The following DST variants were observed in gnomAD, a reference collection of about 807,000 sequenced individuals.
DST encodes dystonin.
A neutral mutation model predicts 875.2 loss-of-function variants in DST; 253 were observed. That is an observed-to-expected ratio of 0.29 (90% CI 0.26 to 0.32). The LOEUF is 0.32. DST is among the 10% of genes least tolerant of loss of function. DST has a pLI of 1.00. For missense variants in DST, 8,287 were observed against 9,111.6 expected, an observed-to-expected ratio of 0.91 and a Z score of 3.68; for synonymous variants, 3,124 against 3,197.1, an observed-to-expected ratio of 0.98 and a Z score of 0.77.
intron 4 of DST, among the ~76,000 whole-genome samples, chr6:56,828,973 A>C (rs1365782956): frequency 6.6e-6 from 1 of 152,222 alleles, no homozygotes; most frequent in African/African-American, 2.4e-5. Context: ...GCTGAAGACC[A>C]CAGTCCCTAG....
chr6:56,588,452 A>G (rs1585811694), intron 49 of DST, among the ~76,000 whole-genome samples: 1 of 152,170 alleles, frequency 6.6e-6, no homozygotes, highest in Non-Finnish European at 1.5e-5. Context: ...AGTACTCCTT[A>G]CAGGAAATCC....
intron 61 of DST, among the ~76,000 whole-genome samples, chr6:56,545,635 TA>T (rs1562689140): frequency 6.6e-6 from 1 of 152,186 alleles, no homozygotes; most frequent in Non-Finnish European, 1.5e-5. Flanking sequence ...AGAAAAGTTT[TA>T]TCATTCACAT....
intron 85 of DST, 54 bp downstream of exon 85, chr6:56,492,173 C>T (rs1486354153): frequency 2.8e-6 from 4 of 1,443,388 alleles, no homozygotes; most frequent in Non-Finnish European, 3.9e-6. Context: ...TATATTTCAA[C>T]AGCAAGAAGT....
intron 59 of DST, among the ~76,000 whole-genome samples, chr6:56,556,468 T>C (rs1471972067): frequency 6.6e-6 from 1 of 152,200 alleles, no homozygotes; most frequent in Non-Finnish European, 1.5e-5. Flanking sequence ...ATCTATATTT[T>C]ATTTATCTAT....
chr6:56,625,557 T>C (rs2098725441), intron 34 of DST, among the ~76,000 whole-genome samples: 1 of 152,206 alleles, frequency 6.6e-6, no homozygotes, highest in African/African-American at 2.4e-5. Context: ...CACAATGCAT[T>C]ACTCACGTTT....
chr6:56,880,837 C>CTTTTT (rs765843469), intron 3 of DST, among the ~76,000 whole-genome samples: 11 of 58,066 alleles, frequency 1.9e-4, no homozygotes, highest in African/African-American at 2.2e-4. Context: ...TACTGTCTTT[C>CTTTTT]TTTTTTTTTT....
At chr6:56,488,844 G>A (rs1342976900) in intron 86 of DST, among the ~76,000 whole-genome samples, 1 of 151,784 alleles carries the variant, frequency 6.6e-6, no homozygotes, top group Non-Finnish European at 1.5e-5. Context: ...AGCTGGGGAG[G>A]GTGGGAGGGA....
intron 2 of DST, among the ~76,000 whole-genome samples, chr6:56,953,403 T>C (rs1823375441): frequency 6.6e-6 from 1 of 152,232 alleles, no homozygotes; most frequent in Non-Finnish European, 1.5e-5. Context: ...ATGGATCAAA[T>C]TGTTCTGCAC....
chr6:56,907,762 AT>A (rs1340339629), intron 2 of DST, among the ~76,000 whole-genome samples: 9 of 152,350 alleles, frequency 5.9e-5, no homozygotes, highest in Non-Finnish European at 1.0e-4. Flanking sequence ...GGAAAAAAAA[AT>A]AACATTTTTA....
At chr6:56,734,929 A>G (rs1201829631) in intron 5 of DST, 2 of 276,392 alleles carry the variant, frequency 7.2e-6, no homozygotes, top group East Asian at 2.0e-4. Flanking sequence ...ATGCACTAAC[A>G]TATAAATATT....
In DST at chr6:56,606,114, C is replaced by A; in HGVS notation, c.8514G>T (p.Gln2838His). 1 of 1,612,920 alleles carries A rather than the reference C, an allele frequency of 6.2e-7. No homozygotes were observed. The highest frequency in any genetic ancestry group is 8.5e-7 in the Non-Finnish European group (1 of 1,179,268). ...TTTCATTTAAAATAGAGGCACACAA[C>A]TGGATATCCATATCTTCAGCCACAT... ...CQNVAEDMDI[Q>H]LCASILNENS... is the part of the protein sequence containing the mutation. The change falls in exon 40 of 104, where the codon CAG (glutamine) becomes CAT (histidine). Residue 2838 changes from glutamine to histidine, a missense_variant. By Grantham distance (24) the Gln-to-His change is conservative. Transcript: ENST00000680361.
chr6:56,951,693 A>G (rs1822411257), intron 2 of DST, among the ~76,000 whole-genome samples: 1 of 152,218 alleles, frequency 6.6e-6, no homozygotes, highest in Non-Finnish European at 1.5e-5. Flanking sequence ...GTTTATCAAA[A>G]CAGCTTGCTG....
At chr6:56,849,294 G>A (rs571362214) in intron 4 of DST, among the ~76,000 whole-genome samples, 3 of 151,720 alleles carry the variant, frequency 2.0e-5, no homozygotes, top group East Asian at 2.0e-4. Flanking sequence ...ACGCCACCAC[G>A]CCCAGCTAAT....
At chr6:56,847,189 A>G (rs921743344) in intron 4 of DST, among the ~76,000 whole-genome samples, 1 of 152,024 alleles carries the variant, frequency 6.6e-6, no homozygotes, top group Admixed American at 6.6e-5. Flanking sequence ...GCATGGTGGT[A>G]CACACCTGTA....
intron 69 of DST, among the ~76,000 whole-genome samples, chr6:56,519,116 T>C (rs1427491319): frequency 6.6e-6 from 1 of 152,022 alleles, no homozygotes; most frequent in Non-Finnish European, 1.5e-5. Flanking sequence ...AACACAGTGG[T>C]GAGTTCTCTG....
Position 56,477,364 on chromosome 6 carries a change from A to G in DST, c.21656T>C (p.Ile7219Thr). The part of the protein sequence containing the change: ...ITTIKHWITI[I>T]RARFEEVLAW... ...ACTGACCTCCTCAAACCTCGCCCGG[A>G]TGATTGTTATCCAGTGCTTAATGGT... The change falls in exon 91 of 104, where the codon ATC (isoleucine) becomes ACC (threonine). Residue 7219 changes from isoleucine (I) to threonine (T), a missense_variant. By Grantham distance (89) the Ile-to-Thr change is moderately conservative. Around this residue, in one of 10 missense-constraint regions of DST, gnomAD observed 1,292 missense variants for 1,552.7 expected, o/e 0.83. Transcript: ENST00000680361. 1.2e-6 allele frequency: 2 copies of G among 1,613,940 alleles called. No individual in the cohort carries two copies. Among genetic ancestry groups the G allele is most frequent in the Non-Finnish European group, 1.7e-6 (2 of 1,179,840 alleles).
chr6:56,540,927 T>C (rs7755573), intron 61 of DST: 112,772 of 152,534 alleles, frequency 0.74, 41,884 homozygotes, highest in East Asian at 0.81. Flanking sequence ...ATATCTTCAG[T>C]AGAAGACAAA....
At chr6:56,616,512 A>T in intron 36 of DST, 1 of 1,614,194 alleles carries the variant, frequency 6.2e-7, no homozygotes, top group Non-Finnish European at 8.5e-7. Flanking sequence ...GGAAACAGAA[A>T]GCATTGGGAC....
chr6:56,779,602 T>C (rs113178183), intron 4 of DST, among the ~76,000 whole-genome samples: 1,780 of 152,086 alleles, frequency 0.012, 65 homozygotes, highest in African/African-American at 0.041. Flanking sequence ...TTTCTACATA[T>C]AGCTAGCCAG....
Sources: allele counts gnomAD v4.1 joint callset (sites outside exome capture counted in the v4.1 genomes callset), GRCh38; gene constraint gnomAD v4.1.1; regional missense constraint gnomAD v4.1.1; transcripts MANE v1.5; gene names NCBI Gene and HGNC (gene_info 2026-07-23, HGNC 2026-07-21).